The following HIPK2 variants were observed in gnomAD, a reference collection of about 807,000 sequenced individuals.
HIPK2 encodes the protein homeodomain-interacting protein kinase 2.
A neutral mutation model predicts 113.7 loss-of-function variants in HIPK2; 27 were observed. That is an observed-to-expected ratio of 0.24 (90% CI 0.17 to 0.33). The LOEUF (loss-of-function observed/expected upper bound fraction) is 0.33. Ranked by LOEUF, HIPK2 falls within the 10% of genes least tolerant of loss-of-function variation. The pLI, the probability that HIPK2 is intolerant of heterozygous loss-of-function variation, is 1.00. For missense variants in HIPK2, 1,257 were observed against 1,588.0 expected, an observed-to-expected ratio of 0.79 and a Z score of 3.54; for synonymous variants, 631 against 642.2, an observed-to-expected ratio of 0.98 and a Z score of 0.26.
intron 12 of HIPK2, among the ~76,000 whole-genome samples, chr7:139,587,659 G>A (rs1175496487): frequency 3.9e-5 from 6 of 151,928 alleles, no homozygotes; most frequent in Admixed American, 1.3e-4. Flanking sequence ...TAATCCCAGC[G>A]CTTGAGGCCA....
At chr7:139,752,060 C>T (rs964698994) in intron 1 of HIPK2, among the ~76,000 whole-genome samples, 1 of 152,210 alleles carries the variant, frequency 6.6e-6, no homozygotes, top group South Asian at 2.1e-4. Context: ...AGAATTGCTT[C>T]CATATTCAAA....
At chr7:139,733,794 A>G (rs1174451938) in intron 1 of HIPK2, among the ~76,000 whole-genome samples, 1 of 152,242 alleles carries the variant, frequency 6.6e-6, no homozygotes, top group Non-Finnish European at 1.5e-5. Context: ...ACCTTGGACA[A>G]TAAGAAGTAC....
chr7:139,660,959 T>G (rs965558504), intron 2 of HIPK2, among the ~76,000 whole-genome samples: 2 of 151,594 alleles, frequency 1.3e-5, no homozygotes, highest in Non-Finnish European at 2.9e-5. Flanking sequence ...CCCACACCCG[T>G]CTGCTCTTCC....
intron 1 of HIPK2, among the ~76,000 whole-genome samples, chr7:139,762,212 T>C (rs1043931465): frequency 6.6e-6 from 1 of 152,172 alleles, no homozygotes; most frequent in African/African-American, 2.4e-5. Context: ...ACTTCATTGC[T>C]TAGATGATTC....
At chr7:139,606,490 A>AG (rs1235448373) in intron 9 of HIPK2, among the ~76,000 whole-genome samples, 2 of 152,248 alleles carry the variant, frequency 1.3e-5, no homozygotes, top group African/African-American at 4.8e-5. Context: ...AGTAGGAGAG[A>AG]GGCAATCACC....
intron 1 of HIPK2, among the ~76,000 whole-genome samples, chr7:139,765,818 A>G (rs1286979960): frequency 6.6e-6 from 1 of 152,100 alleles, no homozygotes; most frequent in Non-Finnish European, 1.5e-5. Flanking sequence ...CTTCTGCCCC[A>G]TGGATGGGTC....
intron 2 of HIPK2, among the ~76,000 whole-genome samples, chr7:139,655,269 G>A (rs1391886492): frequency 6.6e-6 from 1 of 152,208 alleles, no homozygotes; most frequent in Non-Finnish European, 1.5e-5. Context: ...GGTTGAGCAG[G>A]CACACAAATA....
At chr7:139,773,962 G>C (rs1796695915) in intron 1 of HIPK2, among the ~76,000 whole-genome samples, 2 of 152,198 alleles carry the variant, frequency 1.3e-5, no homozygotes, top group Non-Finnish European at 2.9e-5. Flanking sequence ...AGCACAGAAA[G>C]TGCCACTATA....
chr7:139,625,849 G>A (rs73156859), intron 6 of HIPK2, among the ~76,000 whole-genome samples: 2,390 of 152,284 alleles, frequency 0.016, 19 homozygotes, highest in Middle Eastern at 0.037. Flanking sequence ...CACACAGCAC[G>A]CTGAAGAAAT....
rs1398121785 is a variant in HIPK2 at position 139,777,759 on chromosome 7, C to T, written c.-136G>A. On this transcript the variant is annotated 5_prime_UTR_variant, in exon 1 of 15. Transcript: ENST00000406875. ...TCGGCGCAGCCGAGGCCGCCCGCGC[C>T]CGCATCACCGCCTCCCGTGGCCGGC... 1.4e-5 allele frequency: 12 copies of T among 831,674 alleles called. No homozygotes were observed. The highest frequency in any genetic ancestry group is 1.3e-4 in the African/African-American group (7 of 53,560). 51.5% of individuals were successfully genotyped at this position (831,674 alleles called of 1,614,324 possible). A position where few individuals can be genotyped will look rare whatever the true frequency, so the allele number is the denominator to read the frequency against.
Position 139,716,279 on chromosome 7 carries a change from C to T in HIPK2, c.756G>A (p.Thr252=), listed in dbSNP as rs937830603. ...CGAAGTTATAGTCATCGGCACTCTC[C>T]GTGCTCAACCGGGCCAGGATGCTCA... ...IEVSILARLS[T]ESADDYNFVR... Residue 252 remains threonine (T), a synonymous_variant, in exon 2 of 15, where the codon ACG becomes ACA. Coordinates refer to ENST00000406875, the MANE Select transcript of HIPK2 (RefSeq NM_022740.5). This position sits in a 1 kb window ranked among gnomAD's most constrained non-coding sequence, Gnocchi z 9.3. 13 of 1,614,074 alleles carry T rather than the reference C, an allele frequency of 8.1e-6. No individual in the cohort carries two copies. Among genetic ancestry groups the T allele is most frequent in the African/African-American group, 2.7e-5 (2 of 74,932 alleles).
intron 2 of HIPK2, among the ~76,000 whole-genome samples, chr7:139,689,479 A>G (rs1472969211): frequency 6.6e-6 from 1 of 152,218 alleles, no homozygotes; most frequent in Non-Finnish European, 1.5e-5. Context: ...GCCCAGAATT[A>G]CTTTCACACA....
At chr7:139,711,202 C>A in intron 2 of HIPK2, among the ~76,000 whole-genome samples, 1 of 151,738 alleles carries the variant, frequency 6.6e-6, no homozygotes, top group East Asian at 1.9e-4. Flanking sequence ...CCAAGGCAGG[C>A]GGATCACAAG....
chr7:139,693,585 C>T (rs1008380706), intron 2 of HIPK2, among the ~76,000 whole-genome samples: 1 of 152,122 alleles, frequency 6.6e-6, no homozygotes, highest in African/African-American at 2.4e-5. Flanking sequence ...GGGGAGTTGT[C>T]CCAAAGATTA....
intron 5 of HIPK2, 71 bp from the exon 6 acceptor site, chr7:139,626,856 T>G (rs1185103322): frequency 3.2e-6 from 5 of 1,566,804 alleles, no homozygotes; most frequent in Non-Finnish European, 4.4e-6. Context: ...TCCCCTTATT[T>G]TTTGCCCTGT....
At chr7:139,574,355 G>A (rs1477671521) in intron 14 of HIPK2, among the ~76,000 whole-genome samples, 1 of 151,994 alleles carries the variant, frequency 6.6e-6, no homozygotes, top group Non-Finnish European at 1.5e-5. Flanking sequence ...GAGCCTGGGT[G>A]ACAGAACAAG....
At position 139,631,716 on chromosome 7, in the gene HIPK2, C is replaced by T; in HGVS notation, c.1113G>A (p.Glu371=). 6.2e-7 allele frequency: 1 copy of T among 1,612,368 alleles called. No individual in the cohort carries two copies. The highest frequency in any genetic ancestry group is 8.5e-7 in the Non-Finnish European group (1 of 1,179,356). Residue 371 remains glutamate (E), a synonymous_variant, in exon 3 of 15, where the codon GAG becomes GAA. Transcript: ENST00000406875. The surrounding 1 kb of genome is among the most constrained non-coding windows in gnomAD (Gnocchi z 4.9). ...CACAAAATGGTAAACCAAGGATGAT[C>T]TCAGGGGCCCTGAAAAGGAAGAATG... ...YLQSRYYRAP[E]IILGLPFCEA...
At chr7:139,709,599 C>T (rs1795003480) in intron 2 of HIPK2, among the ~76,000 whole-genome samples, 1 of 152,232 alleles carries the variant, frequency 6.6e-6, no homozygotes, top group African/African-American at 2.4e-5. Context: ...TGGCCACAGA[C>T]TGAACCACCA....
chr7:139,761,836 G>C (rs889990362), intron 1 of HIPK2, among the ~76,000 whole-genome samples: 3 of 152,062 alleles, frequency 2.0e-5, no homozygotes, highest in Admixed American at 6.5e-5. Flanking sequence ...AAAAAAATCA[G>C]ATAATAAAAC....
Sources: gnomAD v4.1 joint callset for allele counts (sites outside exome capture counted in the v4.1 genomes callset) on GRCh38, gnomAD v4.1.1 for gene constraint, Gnocchi (gnomAD v3.1) non-coding constraint, MANE v1.5 for transcripts, NCBI Gene and HGNC (gene_info 2026-07-23, HGNC 2026-07-21) for gene names.